The following FMNL2 variants were observed in gnomAD, a reference collection of about 807,000 sequenced individuals.
FMNL2 encodes the protein formin like 2.
Under a neutral mutation model 130.2 loss-of-function variants are expected in FMNL2, and 51 were observed. The ratio of observed to expected loss-of-function variants is 0.39; its 90% confidence interval spans 0.31 to 0.49. The LOEUF is 0.49. Among genes scored for constraint, FMNL2 ranks in the 20% least tolerant of loss-of-function variants. The pLI is 0.85. For missense variants in FMNL2, 977 were observed against 1,316.2 expected (o/e 0.74, Z 3.99); for synonymous variants, 465 against 467.1 (o/e 1.00, Z 0.06).
intron 1 of FMNL2, among the ~76,000 whole-genome samples, chr2:152,361,944 C>CT (rs35010068): frequency 1.3e-5 from 2 of 152,136 alleles, no homozygotes; most frequent in South Asian, 2.1e-4. Context: ...CCTATAAATA[C>CT]TTTTTTTCCC....
chr2:152,601,671 C>CTTTTCTT (rs1698076811), intron 9 of FMNL2, among the ~76,000 whole-genome samples: 1 of 103,470 alleles, frequency 9.7e-6, no homozygotes, highest in African/African-American at 3.4e-5. Flanking sequence ...TCTTTTCTTT[C>CTTTTCTT]TTTTTTTTTT....
chr2:152,369,726 A>T (rs1429463423), intron 1 of FMNL2, among the ~76,000 whole-genome samples: 2 of 152,242 alleles, frequency 1.3e-5, no homozygotes, highest in Non-Finnish European at 2.9e-5. Context: ...GTGTGAAAGA[A>T]TGCAAGGATG....
intron 9 of FMNL2, among the ~76,000 whole-genome samples, chr2:152,589,181 T>C (rs1697247411): frequency 6.6e-6 from 1 of 152,208 alleles, no homozygotes; most frequent in South Asian, 2.1e-4. Context: ...TTATCTGTTG[T>C]ACAAATGTAG....
rs184685487 is a variant in FMNL2, at chr2:152,476,492, G to A, written c.118-45451G>A. Among the ~76,000 whole-genome samples, 19 of 152,218 alleles carry A rather than the reference G, an allele frequency of 1.2e-4. 1 individual carries two copies. The highest frequency in any genetic ancestry group is 1.2e-3 in the Admixed American group (19 of 15,288). On this transcript the variant is annotated intron_variant, in intron 1 of 25. Coordinates refer to ENST00000288670, the MANE Select transcript of FMNL2 (RefSeq NM_052905.4). ...GTGAGACCAGTCTAGGCTTCATAGC[G>A]AGACCCTGTCTCTATTTAAAAAATG...
intron 1 of FMNL2, among the ~76,000 whole-genome samples, chr2:152,498,422 A>AT (rs201220289): frequency 5.5e-4 from 83 of 152,004 alleles, no homozygotes; most frequent in Non-Finnish European, 9.3e-4. Context: ...GTATTTTACC[A>AT]TTTTTTTTAA....
chr2:152,442,227 CCTTTTTCTTTTTTTCTTT>C (rs1373318714), intron 1 of FMNL2, among the ~76,000 whole-genome samples: 2 of 151,994 alleles, frequency 1.3e-5, no homozygotes, highest in African/African-American at 2.4e-5. Context: ...TCACTTCTGT[CCTTTTTCTTTTTTTCTTT>C]CTTTTTCTTT....
rs796954245 is a variant in FMNL2 at position 152,375,877 on chromosome 2, C to CTCTATATA, written c.117+40158_117+40159insCTATATAT. Among the ~76,000 whole-genome samples, 118 of 112,474 alleles carry CTCTATATA rather than the reference C, an allele frequency of 1.0e-3. 1 individual carries two copies. The highest frequency in any genetic ancestry group is 3.2e-3 in the African/African-American group (93 of 28,922). The allele number at this position is 112,474 out of a possible 152,430, so 73.8% of individuals were successfully genotyped here. ...TCTCTCTCTCTCTCTCTCTCTCTCT[C>CTCTATATA]TATATATATATATATATATAATTAT... On this transcript the variant is annotated intron_variant, in intron 1 of 25. Coordinates refer to ENST00000288670, the MANE Select transcript of FMNL2 (RefSeq NM_052905.4).
At chr2:152,519,346 T>C (rs1026837364) in intron 1 of FMNL2, among the ~76,000 whole-genome samples, 2 of 152,210 alleles carry the variant, frequency 1.3e-5, no homozygotes, top group African/African-American at 4.8e-5. Flanking sequence ...CCACCCAGCA[T>C]GTTGCACAGG....
rs557604380 is a variant in FMNL2, at chr2:152,593,739, A to T, written c.876+12690A>T. ...GCAAAGAAAATAAAACTTTTTTTTT[A>T]ATTTATTTTTTTAGTGGGGGTGTAA... On this transcript the variant is annotated intron_variant, in intron 9 of 25. Coordinates refer to ENST00000288670, the MANE Select transcript of FMNL2 (RefSeq NM_052905.4). 1.1e-3 allele frequency among the ~76,000 whole-genome samples: 164 copies of T among 151,758 alleles called. 1 individual carries two copies. The highest frequency in any genetic ancestry group is 3.9e-3 in the African/African-American group (162 of 41,388).
intron 2 of FMNL2, among the ~76,000 whole-genome samples, chr2:152,529,164 A>G (rs777811112): frequency 1.3e-5 from 2 of 152,198 alleles, no homozygotes; most frequent in Non-Finnish European, 2.9e-5. Flanking sequence ...TTATGTATTC[A>G]TTAATTTATT....
intron 9 of FMNL2, among the ~76,000 whole-genome samples, chr2:152,586,371 C>T (rs1311089918): frequency 6.6e-6 from 1 of 152,190 alleles, no homozygotes; most frequent in Non-Finnish European, 1.5e-5. Flanking sequence ...GGCACTCGTG[C>T]TACACATTAT....
chr2:152,458,039 C>T lies in FMNL2; in HGVS notation c.118-63904C>T, dbSNP rs921016919. On this transcript the variant is annotated intron_variant, in intron 1 of 25. Coordinates refer to ENST00000288670, the MANE Select transcript of FMNL2 (RefSeq NM_052905.4). ...AATCTCACTTTCACAAGGTCTTTAACTTTAATCATATCTGCAAAGTCTCCT... is the reference window on the plus strand; with the variant it reads ...AATCTCACTTTCACAAGGTCTTTAATTTTAATCATATCTGCAAAGTCTCCT... Among the ~76,000 whole-genome samples, 2 of 152,158 alleles carry T rather than the reference C, an allele frequency of 1.3e-5. 1 individual carries two copies. The highest frequency in any genetic ancestry group is 4.2e-4 in the South Asian group (2 of 4,816).
At chr2:152,356,648 A>G (rs903730970) in intron 1 of FMNL2, among the ~76,000 whole-genome samples, 1 of 152,102 alleles carries the variant, frequency 6.6e-6, no homozygotes, top group African/African-American at 2.4e-5. Context: ...AGGTTGAACA[A>G]GGTGACTCTG....
chr2:152,544,180 G>A (rs1384002682), intron 3 of FMNL2, among the ~76,000 whole-genome samples: 2 of 152,154 alleles, frequency 1.3e-5, no homozygotes, highest in Non-Finnish European at 2.9e-5. Context: ...ACTTTGGGAA[G>A]CTAAGGTGGG....
chr2:152,574,954 A>G (rs757112307), intron 6 of FMNL2, among the ~76,000 whole-genome samples, 182 bp from the exon 7 acceptor site: 1 of 152,292 alleles, frequency 6.6e-6, no homozygotes, highest in East Asian at 1.9e-4. Context: ...GCTTATGGCA[A>G]AGTGACACAT....
intron 9 of FMNL2, among the ~76,000 whole-genome samples, chr2:152,597,244 G>T (rs1241061159): frequency 6.6e-6 from 1 of 152,144 alleles, no homozygotes; most frequent in Non-Finnish European, 1.5e-5. Flanking sequence ...AAATTAAAAG[G>T]TGCACTTTGT....
At chr2:152,595,390 G>C (rs1346267521) in intron 9 of FMNL2, among the ~76,000 whole-genome samples, 2 of 152,076 alleles carry the variant, frequency 1.3e-5, no homozygotes, top group Non-Finnish European at 1.5e-5. Flanking sequence ...GCGCAATCTC[G>C]GCTCACTGCA....
At chr2:152,411,342 C>T (rs1463381104) in intron 1 of FMNL2, among the ~76,000 whole-genome samples, 1 of 152,016 alleles carries the variant, frequency 6.6e-6, no homozygotes, top group Non-Finnish European at 1.5e-5. Context: ...TTCTACATAC[C>T]ACCAGTGGGA....
intron 1 of FMNL2, among the ~76,000 whole-genome samples, chr2:152,401,154 T>A (rs1388450478): frequency 1.3e-5 from 2 of 152,370 alleles, no homozygotes; most frequent in East Asian, 3.9e-4. Flanking sequence ...TTATGGACAC[T>A]GGGGTGGGAT....
Sources: gnomAD v4.1 joint callset for allele counts (sites outside exome capture counted in the v4.1 genomes callset) on GRCh38, gnomAD v4.1.1 for gene constraint, MANE v1.5 for transcripts, NCBI Gene and HGNC (gene_info 2026-07-23, HGNC 2026-07-21) for gene names.